The following CREBBP variants were observed in gnomAD, a reference collection of about 807,000 sequenced individuals.
The protein encoded by CREBBP is CREB-binding protein.
Under a neutral mutation model 265.0 loss-of-function variants are expected in CREBBP, and 19 were observed. The observed-to-expected ratio is 0.07, with a 90% confidence interval of 0.05 to 0.11. CREBBP has a LOEUF of 0.11. CREBBP is among the 10% of genes least tolerant of loss of function. The pLI, the probability that CREBBP is intolerant of heterozygous loss-of-function variation, is 1.00. For synonymous variants in CREBBP, 1,457 were observed against 1,223.7 expected (o/e 1.19, Z -3.98); for missense variants, 2,525 against 3,219.0 (o/e 0.78, Z 5.22).
intron 2 of CREBBP, among the ~76,000 whole-genome samples, chr16:3,845,059 C>A (rs974269062): frequency 6.6e-6 from 1 of 152,066 alleles, no homozygotes; most frequent in African/African-American, 2.4e-5. Flanking sequence ...TCCAAAATCC[C>A]AAAGATTTTT....
chr16:3,726,167 G>A lies in CREBBP; in HGVS notation c.*1551C>T, dbSNP rs893122828. 8 of 231,588 alleles carry A rather than the reference G, an allele frequency of 3.5e-5. No homozygotes were observed. The highest frequency in any genetic ancestry group is 5.1e-5 in the Non-Finnish European group (6 of 117,336). 14.3% of individuals were successfully genotyped at this position (231,588 alleles called of 1,614,324 possible). A position where few individuals can be genotyped will look rare whatever the true frequency, so the allele number is the denominator to read the frequency against. ...GGGACATGCTGCGCGGCAGCGGCAGGATTTGGGGGGAAGTCAGAAAGCACC... is the reference window on the plus strand; with the variant it reads ...GGGACATGCTGCGCGGCAGCGGCAGAATTTGGGGGGAAGTCAGAAAGCACC... On this transcript the variant is annotated 3_prime_UTR_variant, in exon 31 of 31. Transcript: ENST00000262367.
Position 3,780,749 on chromosome 16 carries a change from G to A in CREBBP, c.1806C>T (p.Ser602=), listed in dbSNP as rs2053254905. ...TTACGTACAGTTTATGCACTAGATGGCTCCGCAGGTCCTGAGTGACATGTT... is the reference window on the plus strand; with the variant it reads ...TTACGTACAGTTTATGCACTAGATGACTCCGCAGGTCCTGAGTGACATGTT... ...WHEHVTQDLR[S]HLVHKLVQAI... is the part of the protein sequence containing the mutation. Residue 602 remains serine (S), a synonymous_variant, in exon 8 of 31, where the codon AGC becomes AGT. Transcript: ENST00000262367. 2 of 1,614,100 alleles carry A rather than the reference G, an allele frequency of 1.2e-6. No individual in the cohort carries two copies. The highest frequency in any genetic ancestry group is 2.2e-5 in the South Asian group (2 of 91,078).
intron 23 of CREBBP, chr16:3,742,511 C>T (rs2052241820): frequency 2.6e-5 from 4 of 152,066 alleles, no homozygotes; most frequent in Admixed American, 1.3e-4. Context: ...ATGACAGGGG[C>T]CTTTTGTGCC....
chr16:3,808,168 C>T (rs1365657385), intron 3 of CREBBP, among the ~76,000 whole-genome samples: 2 of 71,912 alleles, frequency 2.8e-5, no homozygotes, highest in Middle Eastern at 7.0e-3. Flanking sequence ...GGGGGGGCAG[C>T]GGGGGAGAGA....
chr16:3,849,378 CGTGTGTGTGTGT>C (rs34150902), intron 2 of CREBBP, among the ~76,000 whole-genome samples: 1 of 103,906 alleles, frequency 9.6e-6, no homozygotes, highest in African/African-American at 4.5e-5. Flanking sequence ...AGCTCTTGGC[CGTGTGTGTGTGT>C]GTGTGTGTGT....
At chr16:3,819,086 T>C (rs2054094434) in intron 2 of CREBBP, among the ~76,000 whole-genome samples, 1 of 152,264 alleles carries the variant, frequency 6.6e-6, no homozygotes, top group African/African-American at 2.4e-5. Flanking sequence ...GGTGGCAAAG[T>C]GCGGCCTGTG....
At chr16:3,760,285 T>A (rs2052683302) in intron 16 of CREBBP, among the ~76,000 whole-genome samples, 1 of 151,420 alleles carries the variant, frequency 6.6e-6, no homozygotes, top group Non-Finnish European at 1.5e-5. Context: ...GGAGATGAGG[T>A]CTCACTATGT....
intron 24 of CREBBP, 146 bp from the exon 25 acceptor site, chr16:3,739,870 A>C: frequency 1.8e-6 from 2 of 1,083,110 alleles, no homozygotes; most frequent in Non-Finnish European, 2.8e-6. Context: ...AGTCCTCCCT[A>C]TGGGCCAGTC....
chr16:3,746,635 G>T (rs1353402489), intron 21 of CREBBP, among the ~76,000 whole-genome samples: 2 of 152,126 alleles, frequency 1.3e-5, no homozygotes, highest in African/African-American at 4.8e-5. Context: ...CCATGTCAGG[G>T]GAAAGGAGTG....
chr16:3,814,262 TG>T (rs2053996024), intron 2 of CREBBP, among the ~76,000 whole-genome samples: 1 of 131,908 alleles, frequency 7.6e-6, no homozygotes, highest in Non-Finnish European at 1.6e-5. Flanking sequence ...TGTGTGTGTG[TG>T]TGTGTGTTTG....
At chr16:3,815,530 C>CAAAAAA (rs1031380875) in intron 2 of CREBBP, among the ~76,000 whole-genome samples, 35 of 51,954 alleles carry the variant, frequency 6.7e-4, no homozygotes, top group Non-Finnish European at 1.1e-3. Flanking sequence ...GACTCCATCT[C>CAAAAAA]AAAAAAAAAA....
At chr16:3,841,466 C>G (rs2054565538) in intron 2 of CREBBP, among the ~76,000 whole-genome samples, 1 of 151,710 alleles carries the variant, frequency 6.6e-6, no homozygotes, top group South Asian at 2.1e-4. Context: ...ATAAGAGAAT[C>G]AATTTTTTAA....
chr16:3,797,702 G>A (rs1039534169), intron 3 of CREBBP, among the ~76,000 whole-genome samples: 2 of 151,872 alleles, frequency 1.3e-5, no homozygotes, highest in Non-Finnish European at 2.9e-5. Flanking sequence ...AAGAGAGGAC[G>A]ATTGTCTCCT....
chr16:3,780,834 A>T lies in CREBBP; in HGVS notation c.1721T>A (p.Leu574His). 1 of 1,613,850 alleles carries T rather than the reference A, an allele frequency of 6.2e-7. No homozygotes were observed. The highest frequency in any genetic ancestry group is 8.5e-7 in the Non-Finnish European group (1 of 1,180,038). Residue 574 changes from leucine to histidine, a missense_variant, in exon 8 of 31, where the codon CTC (leucine) becomes CAC (histidine). This residue lies in a region of CREBBP where 144 missense variants were observed against 134.0 expected (regional missense o/e 1.07). Coordinates refer to ENST00000262367, the MANE Select transcript of CREBBP (RefSeq NM_004380.3). Reference protein sequence around the residue: ...DGSNSGNIGTLSTIPTAAPPS... With the variant: ...DGSNSGNIGTHSTIPTAAPPS... ...AGGAGCTGCTGTTGGTATAGTGCTG[A>T]GGGTTCCAATGTTACCAGAGTTGGA... is the stretch of plus-strand genomic sequence containing the variant.
chr16:3,759,500 T>C (rs1037712020), intron 16 of CREBBP, among the ~76,000 whole-genome samples: 4 of 150,590 alleles, frequency 2.7e-5, no homozygotes, highest in Admixed American at 6.6e-5. Context: ...GAAAGGAAAA[T>C]TGCTTGAACC....
intron 2 of CREBBP, among the ~76,000 whole-genome samples, chr16:3,826,685 A>T (rs955942052): frequency 6.6e-6 from 1 of 152,228 alleles, no homozygotes; most frequent in Non-Finnish European, 1.5e-5. Flanking sequence ...AAAACTGTCA[A>T]GGTCATTAAA....
At position 3,794,020 on chromosome 16, in the gene CREBBP, C is replaced by A. The variant is rs987067606; in HGVS notation, c.976-394G>T. Among the ~76,000 whole-genome samples the A allele has an allele frequency of 2.8e-4, 42 of 152,074 alleles. 1 individual carries two copies. The highest frequency in any genetic ancestry group is 1.5e-5 in the Non-Finnish European group (1 of 68,028). The stretch of plus-strand genomic sequence containing the variant: ...ACACTGGCAATTTCATAGGGTACAA[C>A]CTAATTAAAAAGATTGCCAAGGCCT... On this transcript the variant is annotated intron_variant, in intron 3 of 30. Coordinates refer to ENST00000262367, the MANE Select transcript of CREBBP (RefSeq NM_004380.3).
At chr16:3,848,723 G>C (rs1021392035) in intron 2 of CREBBP, among the ~76,000 whole-genome samples, 1 of 152,040 alleles carries the variant, frequency 6.6e-6, no homozygotes, top group African/African-American at 2.4e-5. Flanking sequence ...TAAAAGTAAG[G>C]AGTAGAGTGA....
chr16:3,832,193 T>A (rs1262949709), intron 2 of CREBBP, among the ~76,000 whole-genome samples: 1 of 152,142 alleles, frequency 6.6e-6, no homozygotes, highest in Non-Finnish European at 1.5e-5. Context: ...ATCATAATTT[T>A]AAAACCTTCC....
Sources: gnomAD v4.1 joint callset for allele counts (sites outside exome capture counted in the v4.1 genomes callset) on GRCh38, gnomAD v4.1.1 for gene constraint, gnomAD v4.1.1 regional missense constraint, MANE v1.5 for transcripts, NCBI Gene and HGNC (gene_info 2026-07-23, HGNC 2026-07-21) for gene names.